Variants in GMPS observed in about 807,000 individuals in gnomAD.
The protein encoded by GMPS is GMP synthase [glutamine-hydrolyzing].
A neutral mutation model predicts 77.9 loss-of-function variants in GMPS; 15 were observed. The observed-to-expected ratio is 0.19, with a 90% CI of 0.13 to 0.30. GMPS has a LOEUF of 0.30. Among genes scored for constraint, GMPS ranks in the 10% least tolerant of loss-of-function variants. The probability of loss-of-function intolerance (pLI) is 1.00; values close to 1 mark genes in which losing one functional copy is unlikely to be tolerated. For missense variants in GMPS, 590 were observed against 838.8 expected (o/e 0.70, Z 3.66); for synonymous variants, 224 against 275.9 (o/e 0.81, Z 1.86).
intron 1 of GMPS, among the ~76,000 whole-genome samples, chr3:155,874,051 CT>C (rs1363677167): frequency 5.9e-5 from 9 of 152,222 alleles, no homozygotes; most frequent in Admixed American, 5.9e-4. Flanking sequence ...CCCTTTCCCC[CT>C]GAGTCTCCAA....
chr3:155,903,128 T>G (rs1388280402), intron 3 of GMPS, among the ~76,000 whole-genome samples: 2 of 152,224 alleles, frequency 1.3e-5, no homozygotes, highest in South Asian at 2.1e-4. Context: ...TGATATCTGT[T>G]GTGGAACAGA....
intron 7 of GMPS, among the ~76,000 whole-genome samples, chr3:155,912,520 A>G (rs62286854): frequency 0.054 from 8,298 of 152,298 alleles, 318 homozygotes; most frequent in East Asian, 0.18. Flanking sequence ...GTGCTGGAAT[A>G]GCTGTGGGCA....
chr3:155,931,175 G>C (rs1386498514), intron 12 of GMPS, among the ~76,000 whole-genome samples: 1 of 151,742 alleles, frequency 6.6e-6, no homozygotes, highest in African/African-American at 2.4e-5. Flanking sequence ...GCAGGTAATG[G>C]GAATGTTGAA....
chr3:155,870,784 C>G lies in GMPS; in HGVS notation c.-87C>G. The G allele has an allele frequency of 1.1e-6, 1 of 919,922 alleles. No homozygotes were observed. Among genetic ancestry groups the G allele is most frequent in the Non-Finnish European group, 1.7e-6 (1 of 603,410 alleles). 57.0% of individuals were successfully genotyped at this position (919,922 alleles called of 1,614,324 possible). On this transcript the variant is annotated 5_prime_UTR_variant, in exon 1 of 16. Coordinates refer to ENST00000496455, the MANE Select transcript of GMPS (RefSeq NM_003875.3). ...TCCTCGACCAGGCCTCCTTCTCAAC[C>G]TCAGCCCGCGGCGCCGACCCTTCCG...
intron 5 of GMPS, among the ~76,000 whole-genome samples, chr3:155,910,139 G>A (rs1223233775): frequency 1.3e-5 from 2 of 151,840 alleles, no homozygotes; most frequent in South Asian, 2.1e-4. Flanking sequence ...CCAGCTACTC[G>A]GGAGGCTGAG....
chr3:155,909,143 C>G (rs1222163277), intron 5 of GMPS, among the ~76,000 whole-genome samples: 14 of 152,134 alleles, frequency 9.2e-5, no homozygotes, highest in Non-Finnish European at 2.1e-4. Flanking sequence ...GATTTAGTTA[C>G]TTAATTACCT....
Position 155,919,345 on chromosome 3 carries a change from A to C in GMPS, c.1318+7A>C. ...TCCAGGCATCCATTTCCAGGTAAAA[A>C]TTAGAACTGAATTTTGTTTGATTCA... On this transcript the variant is annotated splice_region_variant and intron_variant, in intron 10 of 15. Transcript: ENST00000496455. The C allele has an allele frequency of 7.0e-7, 1 of 1,420,780 alleles. No homozygotes were observed. Among genetic ancestry groups the C allele is most frequent in the Non-Finnish European group, 9.8e-7 (1 of 1,017,772 alleles). The allele number at this position is 1,420,780 out of a possible 1,614,324, so 88.0% of individuals were successfully genotyped here. A position where few individuals can be genotyped will look rare whatever the true frequency, so the allele number is the denominator to read the frequency against.
chr3:155,932,813 T>C (rs747507004), intron 13 of GMPS, among the ~76,000 whole-genome samples: 41 of 152,214 alleles, frequency 2.7e-4, no homozygotes, highest in Non-Finnish European at 5.4e-4. Flanking sequence ...GGGAACATGC[T>C]CATTCAAAGG....
chr3:155,899,368 C>CA (rs796749726), intron 3 of GMPS, among the ~76,000 whole-genome samples: 2,307 of 134,926 alleles, frequency 0.017, 75 homozygotes, highest in African/African-American at 0.059. Flanking sequence ...AACTCCTTCT[C>CA]AAAAAAAAAA....
At chr3:155,919,148 G>C (rs1292518089) in intron 9 of GMPS, 85 bp from the exon 10 acceptor site, 1 of 625,624 alleles carries the variant, frequency 1.6e-6, no homozygotes, top group Non-Finnish European at 2.9e-6. Flanking sequence ...AGTGGTAACA[G>C]GAAAAGCCAA....
intron 1 of GMPS, among the ~76,000 whole-genome samples, chr3:155,888,425 CTA>C (rs1170420871): frequency 6.6e-6 from 1 of 151,682 alleles, no homozygotes. Flanking sequence ...TTTATTCCCT[CTA>C]TTTTTTATTT....
At chr3:155,876,336 A>G (rs374909958) in intron 1 of GMPS, among the ~76,000 whole-genome samples, 7 of 152,296 alleles carry the variant, frequency 4.6e-5, no homozygotes, top group African/African-American at 1.7e-4. Flanking sequence ...GCTATCCTTA[A>G]TTGCCTGTGT....
At chr3:155,926,259 A>G (rs1262721279) in intron 12 of GMPS, among the ~76,000 whole-genome samples, 1 of 152,112 alleles carries the variant, frequency 6.6e-6, no homozygotes, top group Non-Finnish European at 1.5e-5. Context: ...GTGATCCTTC[A>G]CTTTGGCCTC....
intron 1 of GMPS, among the ~76,000 whole-genome samples, chr3:155,878,857 T>G (rs1296535119): frequency 6.6e-6 from 1 of 151,984 alleles, no homozygotes; most frequent in Non-Finnish European, 1.5e-5. Flanking sequence ...CATGGTGTAA[T>G]TCTCAGTGTG....
chr3:155,908,396 T>C (rs956940212), intron 5 of GMPS, among the ~76,000 whole-genome samples: 1 of 152,196 alleles, frequency 6.6e-6, no homozygotes, highest in Non-Finnish European at 1.5e-5. Context: ...GCTGAGAGTT[T>C]TTTTCCCTTT....
At chr3:155,870,933 C>T (rs1753889205) in intron 1 of GMPS, 36 bp downstream of exon 1, 2 of 1,437,366 alleles carry the variant, frequency 1.4e-6, no homozygotes, top group East Asian at 3.0e-5. Flanking sequence ...CGCATCCCGG[C>T]GGAGGCGAGG....
At chr3:155,913,243 C>T (rs988588173) in intron 7 of GMPS, among the ~76,000 whole-genome samples, 2 of 152,302 alleles carry the variant, frequency 1.3e-5, no homozygotes, top group Middle Eastern at 6.8e-3. Flanking sequence ...AATGAAATAG[C>T]CAGCTGCCTT....
At chr3:155,886,375 A>AC (rs1480994538) in intron 1 of GMPS, among the ~76,000 whole-genome samples, 2 of 150,362 alleles carry the variant, frequency 1.3e-5, no homozygotes, top group African/African-American at 2.4e-5. Flanking sequence ...GGTGTTTGAG[A>AC]CCAGCCCAGC....
chr3:155,888,106 C>A (rs573943494), intron 1 of GMPS, among the ~76,000 whole-genome samples: 2 of 151,616 alleles, frequency 1.3e-5, no homozygotes, highest in African/African-American at 4.8e-5. Flanking sequence ...GAGATAGGGT[C>A]TTGCTGCATT....
Sources: allele counts gnomAD v4.1 joint callset (sites outside exome capture counted in the v4.1 genomes callset), GRCh38; gene constraint gnomAD v4.1.1; transcripts MANE v1.5; gene names NCBI Gene and HGNC (gene_info 2026-07-23, HGNC 2026-07-21).